Variants in LAPTM5 observed in about 807,000 individuals in gnomAD.
LAPTM5 encodes the protein lysosomal-associated transmembrane protein 5.
In LAPTM5, 11 loss-of-function variants were observed where a neutral mutation model predicts 30.1. The ratio of observed to expected loss-of-function variants is 0.37; its 90% CI spans 0.23 to 0.60. The LOEUF is 0.60. Ranked by LOEUF, LAPTM5 falls within the 20% of genes least tolerant of loss-of-function variation. The pLI, the probability that LAPTM5 is intolerant of heterozygous loss-of-function variation, is 0.71. For synonymous variants in LAPTM5, 151 were observed against 137.9 expected, an observed-to-expected ratio of 1.10 and a Z score of -0.67; for missense variants, 324 against 332.5, an observed-to-expected ratio of 0.97 and a Z score of 0.20.
chr1:30,742,791 G>T (rs1639990120), intron 1 of LAPTM5, among the ~76,000 whole-genome samples: 1 of 152,178 alleles, frequency 6.6e-6, no homozygotes, highest in East Asian at 1.9e-4. Flanking sequence ...TGACTTCTAT[G>T]TGCCTCGGTT....
rs1639828637 is a variant in LAPTM5 at position 30,732,643 on chromosome 1, C to G, written c.*1185G>C. 1.3e-5 allele frequency: 2 copies of G among 152,034 alleles called. No homozygotes were observed. The highest frequency in any genetic ancestry group is 2.9e-5 in the Non-Finnish European group (2 of 68,028). The allele number at this position is 152,034 out of a possible 1,614,324, so 9.4% of individuals were successfully genotyped here. On this transcript the variant is annotated 3_prime_UTR_variant, in exon 8 of 8. Coordinates refer to ENST00000294507, the MANE Select transcript of LAPTM5 (RefSeq NM_006762.3). Reference sequence around the variant, plus strand: ...GGGTCAGCTCCCTGGAGGACCCCGACACACAGGGAAGCAGGCACAGGAGGG... The same window carrying G: ...GGGTCAGCTCCCTGGAGGACCCCGAGACACAGGGAAGCAGGCACAGGAGGG...
chr1:30,748,594 G>A (rs988504643), intron 1 of LAPTM5, among the ~76,000 whole-genome samples: 2 of 152,124 alleles, frequency 1.3e-5, no homozygotes, highest in Non-Finnish European at 2.9e-5. Flanking sequence ...AGCTTATGAG[G>A]GCTCAGTGGG....
In LAPTM5 at chr1:30,752,887, A is replaced by G. The variant is rs138041243; in HGVS notation, c.87+4772T>C. Among the ~76,000 whole-genome samples the G allele has an allele frequency of 9.2e-3, 1,402 of 151,876 alleles. 25 individuals carry two copies. Among genetic ancestry groups the G allele is most frequent in the African/African-American group, 0.033 (1,349 of 41,378 alleles). On this transcript the variant is annotated intron_variant, in intron 1 of 7. Coordinates refer to ENST00000294507, the MANE Select transcript of LAPTM5 (RefSeq NM_006762.3). ...AGTGGCGCGATCTCGGCTCACTGCA[A>G]CCTCCACCTCCCAGGTTCAAGCAAT...
chr1:30,733,961 A>T (rs1037281620), intron 7 of LAPTM5, 44 bp from the exon 8 acceptor site: 3 of 1,584,770 alleles, frequency 1.9e-6, no homozygotes, highest in Non-Finnish European at 2.6e-6. Flanking sequence ...GTCAAGAATG[A>T]CCTGCAATTC....
Position 30,741,825 on chromosome 1 carries a change from A to G in LAPTM5, c.182-109T>C, listed in dbSNP as rs1276622137. ...CTGGTTTGGGGACATGAGGATGCAC[A>G]GGAAAGCCCAGGCCCTGCCCTCTTG... On this transcript the variant is annotated intron_variant, in intron 2 of 7. Coordinates refer to ENST00000294507, the MANE Select transcript of LAPTM5 (RefSeq NM_006762.3). The G allele has an allele frequency of 6.7e-5, 46 of 690,482 alleles. 1 individual carries two copies. The South Asian group carries it at 8.8e-4, about 13-fold the overall frequency. 42.8% of individuals were successfully genotyped at this position (690,482 alleles called of 1,614,324 possible). A position where few individuals can be genotyped will look rare whatever the true frequency, so the allele number is the denominator to read the frequency against.
At position 30,741,499 on chromosome 1, in the gene LAPTM5, G is replaced by T. The variant is rs140306126; in HGVS notation, c.258+141C>A. 1,048 of 478,344 alleles carry T rather than the reference G, an allele frequency of 2.2e-3. 17 individuals carry two copies. The highest frequency in any genetic ancestry group is 0.019 in the African/African-American group (954 of 49,714). 29.6% of individuals were successfully genotyped at this position (478,344 alleles called of 1,614,324 possible). On this transcript the variant is annotated intron_variant, in intron 3 of 7. Coordinates refer to ENST00000294507, the MANE Select transcript of LAPTM5 (RefSeq NM_006762.3). ...AGGGAGAAACATGGTTCTCCAAAAG[G>T]TATGTGTGAAGATCTCCAGAACGCA...
rs1365239802 is a variant in LAPTM5, at chr1:30,739,872, G to T, written c.324C>A (p.Leu108=). ...LQIMDYLLCL[L]TLLGSYIELP... ...GCTCAATGTAGGAGCCCAGCAGGGT[G>T]AGCAGGCACAGGAGATAGTCCATGA... The change falls in exon 4 of 8, where the codon CTC becomes CTA. Residue 108 remains leucine, a synonymous_variant. Coordinates refer to ENST00000294507, the MANE Select transcript of LAPTM5 (RefSeq NM_006762.3). This position sits in a 1 kb window ranked among gnomAD's most constrained non-coding sequence, Gnocchi z 4.2. 1.1e-5 allele frequency: 17 copies of T among 1,608,454 alleles called. No homozygotes were observed. The highest frequency in any genetic ancestry group is 2.2e-5 in the East Asian group (1 of 44,502).
chr1:30,741,501 A>G (rs968845689), intron 3 of LAPTM5, 139 bp downstream of exon 3: 5 of 468,040 alleles, frequency 1.1e-5, no homozygotes, highest in African/African-American at 6.1e-5. Context: ...TCCAAAAGGT[A>G]TGTGTGAAGA....
chr1:30,744,016 G>A (rs1476650483), intron 1 of LAPTM5, among the ~76,000 whole-genome samples: 1 of 152,044 alleles, frequency 6.6e-6, no homozygotes, highest in Non-Finnish European at 1.5e-5. Flanking sequence ...TGCAATCACT[G>A]GATTTAGTGA....
chr1:30,754,758 C>T (rs1489034019), intron 1 of LAPTM5, among the ~76,000 whole-genome samples: 3 of 152,180 alleles, frequency 2.0e-5, no homozygotes, highest in South Asian at 2.1e-4. Flanking sequence ...CATGTAATAA[C>T]GCCCTCATGA....
intron 1 of LAPTM5, among the ~76,000 whole-genome samples, chr1:30,755,740 A>G (rs1356845755): frequency 6.6e-6 from 1 of 152,208 alleles, no homozygotes; most frequent in African/African-American, 2.4e-5. Flanking sequence ...AATGGATTTG[A>G]CTTGGCCTGC....
intron 1 of LAPTM5, 84 bp from the exon 2 acceptor site, chr1:30,742,633 G>A: frequency 9.1e-7 from 1 of 1,104,032 alleles, no homozygotes; most frequent in Non-Finnish European, 1.3e-6. Flanking sequence ...GTGTACAGCA[G>A]GGAAGCCAGT....
Position 30,733,659 on chromosome 1 carries a change from A to G in LAPTM5, c.*169T>C. On this transcript the variant is annotated 3_prime_UTR_variant, in exon 8 of 8. Coordinates refer to ENST00000294507, the MANE Select transcript of LAPTM5 (RefSeq NM_006762.3). ...CTAAAGCGTTGACCCAGTTGTGAGC[A>G]GCTCACAGGCCCTGCAGGAGGAGCA... 1 of 1,533,880 alleles carries G rather than the reference A, an allele frequency of 6.5e-7. No individual in the cohort carries two copies. Among genetic ancestry groups the G allele is most frequent in the Non-Finnish European group, 8.7e-7 (1 of 1,146,162 alleles).
intron 6 of LAPTM5, 94 bp downstream of exon 6, chr1:30,737,510 A>AGTGT (rs1223831411): frequency 4.1e-5 from 34 of 823,948 alleles, no homozygotes; most frequent in Non-Finnish European, 1.8e-5. Flanking sequence ...TGGAGGACAC[A>AGTGT]TGTCCCTGCC....
Position 30,742,555 on chromosome 1 carries a change from G to GGCAAA in LAPTM5, c.88-11_88-7dup, listed in dbSNP as rs765954048. On this transcript the variant is annotated splice_region_variant and splice_polypyrimidine_tract_variant and intron_variant, in intron 1 of 7. Coordinates refer to ENST00000294507, the MANE Select transcript of LAPTM5 (RefSeq NM_006762.3). ...AACAACAAGACGCTCATGATCTGGA[G>GGCAAA]GCAAAGCAAAGCATCAGTCAGCTGA... 5 of 1,611,434 alleles carry GGCAAA rather than the reference G, an allele frequency of 3.1e-6. No individual in the cohort carries two copies. In the South Asian group the frequency reaches 5.5e-5, roughly 18 times the overall value.
At chr1:30,740,408 C>T (rs946513800) in intron 3 of LAPTM5, among the ~76,000 whole-genome samples, 11 of 138,954 alleles carry the variant, frequency 7.9e-5, no homozygotes, top group Non-Finnish European at 1.6e-4. Flanking sequence ...CTCCCCCCCA[C>T]CCCCCACTCC....
Position 30,733,843 on chromosome 1 carries a change from T to A in LAPTM5, c.774A>T (p.Pro258=), listed in dbSNP as rs753841515. 1.6e-5 allele frequency: 26 copies of A among 1,608,348 alleles called. No individual in the cohort carries two copies. The South Asian group carries it at 2.6e-4, about 16-fold the overall frequency. Residue 258 remains proline, a synonymous_variant, in exon 8 of 8, where the codon CCA becomes CCT. Coordinates refer to ENST00000294507, the MANE Select transcript of LAPTM5 (RefSeq NM_006762.3). The part of the protein sequence containing the change: ...KTPEGGPAPP[P]YSEV ...CTGGCGAGGGTCACACCTCTGAGTA[T>A]GGGGGTGGTGCTGGGCCCCCCTCTG... is the stretch of plus-strand genomic sequence containing the variant.
Position 30,757,640 on chromosome 1 carries a change from C to T in LAPTM5, c.87+19G>A. 1 of 1,611,222 alleles carries T rather than the reference C, an allele frequency of 6.2e-7. No individual in the cohort carries two copies. Among genetic ancestry groups the T allele is most frequent in the Non-Finnish European group, 8.5e-7 (1 of 1,179,114 alleles). On this transcript the variant is annotated intron_variant, in intron 1 of 7. Transcript: ENST00000294507. ...CACACAAGCACGCACGCACACACAC[C>T]CGGGGCCCGCACACTCACCACATGG...
chr1:30,745,692 G>A (rs544004036), intron 1 of LAPTM5, among the ~76,000 whole-genome samples: 34 of 152,304 alleles, frequency 2.2e-4, no homozygotes, highest in African/African-American at 1.4e-4. Context: ...GACCTTCCAC[G>A]AAGATGCCAG....
Sources: gnomAD v4.1 joint callset for allele counts (sites outside exome capture counted in the v4.1 genomes callset) on GRCh38, gnomAD v4.1.1 for gene constraint, Gnocchi (gnomAD v3.1) non-coding constraint, MANE v1.5 for transcripts, NCBI Gene and HGNC (gene_info 2026-07-23, HGNC 2026-07-21) for gene names.